Variants in UTRN observed in about 807,000 individuals in gnomAD.
The protein encoded by UTRN is utrophin.
UTRN carries 283 observed loss-of-function variants against 463.9 expected under a neutral mutation model. The observed-to-expected ratio is 0.61, with a 90% CI of 0.55 to 0.67. UTRN has a LOEUF of 0.67. Ranked by LOEUF, UTRN falls within the 30% of genes least tolerant of loss-of-function variation. The pLI is 0.00. For synonymous variants in UTRN, 1,442 were observed against 1,431.5 expected (o/e 1.01, Z -0.17); for missense variants, 3,922 against 4,084.3 (o/e 0.96, Z 1.08).
At chr6:144,534,885 T>C (rs1797391679) in intron 43 of UTRN, among the ~76,000 whole-genome samples, 2 of 152,136 alleles carry the variant, frequency 1.3e-5, no homozygotes, top group African/African-American at 2.4e-5. Context: ...AGGGAGGGCC[T>C]TCTAGGCAGA....
intron 51 of UTRN, among the ~76,000 whole-genome samples, chr6:144,635,080 C>G (rs1776964479): frequency 6.7e-6 from 1 of 149,608 alleles, no homozygotes; most frequent in Non-Finnish European, 1.5e-5. Context: ...ATATTGTCAC[C>G]TAGTATGAAA....
intron 61 of UTRN, among the ~76,000 whole-genome samples, chr6:144,782,670 A>G (rs1364829850): frequency 1.3e-5 from 2 of 151,578 alleles, no homozygotes; most frequent in African/African-American, 2.4e-5. Context: ...TAAATAATTT[A>G]TGCTACAGGA....
intron 66 of UTRN, among the ~76,000 whole-genome samples, chr6:144,824,595 TATATATATATATATA>T (rs1779951653): frequency 1.0e-4 from 6 of 60,190 alleles, no homozygotes; most frequent in Admixed American, 2.6e-4. Context: ...TATATATATA[TATATATATATATATA>T]TATCTTTTTT....
intron 21 of UTRN, 57 bp from the exon 22 acceptor site, chr6:144,461,140 G>A: frequency 1.4e-6 from 2 of 1,434,022 alleles, no homozygotes; most frequent in Admixed American, 2.2e-5. Flanking sequence ...AATGGTCTAT[G>A]TAATAATATT....
At chr6:144,725,341 A>G (rs1787755353) in intron 53 of UTRN, among the ~76,000 whole-genome samples, 1 of 152,164 alleles carries the variant, frequency 6.6e-6, no homozygotes, top group Non-Finnish European at 1.5e-5. Flanking sequence ...TTTGTAAATT[A>G]CCCAGTCTCA....
At chr6:144,561,276 C>T (rs555129678) in intron 50 of UTRN, among the ~76,000 whole-genome samples, 10 of 124,842 alleles carry the variant, frequency 8.0e-5, no homozygotes, top group Admixed American at 5.0e-4. Flanking sequence ...CACACACACA[C>T]GTATACACAC....
intron 34 of UTRN, among the ~76,000 whole-genome samples, chr6:144,506,535 GA>G (rs1794705126): frequency 6.6e-6 from 1 of 152,154 alleles, no homozygotes; most frequent in African/African-American, 2.4e-5. Context: ...AGTTCAGCTG[GA>G]TATGAAATTC....
intron 51 of UTRN, among the ~76,000 whole-genome samples, chr6:144,657,336 A>G (rs1344235851): frequency 2.0e-5 from 3 of 151,910 alleles, no homozygotes; most frequent in Admixed American, 2.0e-4. Context: ...AACTGTATAT[A>G]AGGGAGTTTT....
At chr6:144,306,164 C>T (rs1805719814) in intron 2 of UTRN, among the ~76,000 whole-genome samples, 1 of 152,116 alleles carries the variant, frequency 6.6e-6, no homozygotes. Flanking sequence ...GAGATGGCCT[C>T]CTCTCTCTCA....
chr6:144,717,506 C>T (rs1364448264), intron 53 of UTRN, among the ~76,000 whole-genome samples: 1 of 151,916 alleles, frequency 6.6e-6, no homozygotes, highest in Non-Finnish European at 1.5e-5. Flanking sequence ...GCATTTATTT[C>T]TTTGCTTTCT....
At chr6:144,836,011 T>C in intron 70 of UTRN, 73 bp downstream of exon 70, 1 of 1,524,374 alleles carries the variant, frequency 6.6e-7, no homozygotes, top group Admixed American at 2.0e-5. Flanking sequence ...CCCCATTTAT[T>C]CTCTTTTTCA....
intron 6 of UTRN, among the ~76,000 whole-genome samples, chr6:144,425,336 T>TA (rs1331398863): frequency 6.6e-6 from 1 of 152,206 alleles, no homozygotes; most frequent in Non-Finnish European, 1.5e-5. Context: ...CTGGCAGTGT[T>TA]AACTTTGATT....
At position 144,438,596 on chromosome 6, in the gene UTRN, C is replaced by T. The variant is rs751978426; in HGVS notation, c.1242-149C>T. The T allele has an allele frequency of 8.5e-5, 84 of 983,186 alleles. 1 individual carries two copies. The highest frequency in any genetic ancestry group is 9.5e-5 in the Non-Finnish European group (64 of 677,132). The allele number at this position is 983,186 out of a possible 1,614,324, so 60.9% of individuals were successfully genotyped here. On this transcript the variant is annotated intron_variant, in intron 11 of 74. Transcript: ENST00000367545. Reference sequence around the variant, plus strand: ...TAGGACAAAATAAAAGTTTACTTTCCTGGCTTCTATATTTAAAGACTAAAT... The same window carrying T: ...TAGGACAAAATAAAAGTTTACTTTCTTGGCTTCTATATTTAAAGACTAAAT...
At chr6:144,713,599 A>G (rs1379810181) in intron 53 of UTRN, among the ~76,000 whole-genome samples, 1 of 147,456 alleles carries the variant, frequency 6.8e-6, no homozygotes, top group Non-Finnish European at 1.5e-5. Flanking sequence ...GGGCAACAAG[A>G]GCGAAACTCT....
chr6:144,588,152 AG>A (rs1802654911), intron 51 of UTRN, among the ~76,000 whole-genome samples: 2 of 152,134 alleles, frequency 1.3e-5, no homozygotes, highest in Non-Finnish European at 2.9e-5. Context: ...GACGGGATCA[AG>A]GAGAAAACAC....
At chr6:144,339,006 A>G (rs1776938476) in intron 2 of UTRN, among the ~76,000 whole-genome samples, 2 of 152,302 alleles carry the variant, frequency 1.3e-5, no homozygotes, top group South Asian at 4.1e-4. Context: ...ATTAGGGGAA[A>G]TTGCCCTGGA....
rs117720672 is a variant in UTRN at position 144,777,223 on chromosome 6, G to A, written c.8632+2859G>A. ...GATGTGTCCAAGGAGATTTATAGCA[G>A]TACTTTTCATAGTAAAACTCATTCA... On this transcript the variant is annotated intron_variant, in intron 60 of 74. Coordinates refer to ENST00000367545, the MANE Select transcript of UTRN (RefSeq NM_007124.3). 3.9e-4 allele frequency among the ~76,000 whole-genome samples: 59 copies of A among 152,176 alleles called. 1 individual carries two copies. The highest frequency in any genetic ancestry group is 6.9e-4 in the Non-Finnish European group (47 of 68,006).
At chr6:144,653,890 C>T (rs1779070353) in intron 51 of UTRN, among the ~76,000 whole-genome samples, 1 of 152,178 alleles carries the variant, frequency 6.6e-6, no homozygotes, top group South Asian at 2.1e-4. Flanking sequence ...AATGTAATGA[C>T]TTAAAGTAAA....
At chr6:144,680,955 A>T (rs1782136146) in intron 52 of UTRN, among the ~76,000 whole-genome samples, 1 of 152,212 alleles carries the variant, frequency 6.6e-6, no homozygotes, top group African/African-American at 2.4e-5. Flanking sequence ...TGTGTAACCA[A>T]GCTCCCTTCC....
Sources: allele counts gnomAD v4.1 joint callset (sites outside exome capture counted in the v4.1 genomes callset), GRCh38; gene constraint gnomAD v4.1.1; transcripts MANE v1.5; gene names NCBI Gene and HGNC (gene_info 2026-07-23, HGNC 2026-07-21).